VPS13A: variants seen among roughly 807,000 people sequenced by gnomAD.
The protein encoded by VPS13A is intermembrane lipid transfer protein VPS13A.
A neutral mutation model predicts 390.9 loss-of-function variants in VPS13A; 264 were observed. The observed-to-expected ratio is 0.68, with a 90% CI of 0.61 to 0.75. The LOEUF (loss-of-function observed/expected upper bound fraction) is 0.75. Among genes scored for constraint, VPS13A ranks in the 30% least tolerant of loss-of-function variants. The pLI is 0.00. For synonymous variants in VPS13A, 1,231 were observed against 1,227.1 expected (o/e 1.00, Z -0.07); for missense variants, 3,409 against 3,733.9 (o/e 0.91, Z 2.27).
At chr9:77,245,562 A>G (rs546223906) in intron 19 of VPS13A, among the ~76,000 whole-genome samples, 3 of 152,254 alleles carry the variant, frequency 2.0e-5, no homozygotes, top group East Asian at 1.9e-4. Context: ...TCAAACCTCT[A>G]TCTCACCTCA....
intron 17 of VPS13A, among the ~76,000 whole-genome samples, chr9:77,231,207 G>A (rs1179556939): frequency 6.6e-6 from 1 of 151,978 alleles, no homozygotes; most frequent in Non-Finnish European, 1.5e-5. Context: ...TTCCGATGTG[G>A]ATGCCCTTTC....
chr9:77,252,154 G>T, intron 21 of VPS13A, 81 bp from the exon 22 acceptor site: 2 of 1,119,672 alleles, frequency 1.8e-6, no homozygotes, highest in Non-Finnish European at 2.7e-6. Context: ...ATAATGGAAT[G>T]TGTGACTATG....
In VPS13A at chr9:77,315,484, T is replaced by C. The variant is rs1032767922; in HGVS notation, c.4630+14T>C. The C allele has an allele frequency of 2.5e-6, 4 of 1,609,718 alleles. No individual in the cohort carries two copies. The highest frequency in any genetic ancestry group is 1.7e-5 in the Admixed American group (1 of 59,958). ...CTAAGGAAGAAGGTTAGTTATTGGC[T>C]AAAATATTTAATATTTGTTTTATTG... On this transcript the variant is annotated intron_variant, in intron 38 of 71. Coordinates refer to ENST00000360280, the MANE Select transcript of VPS13A (RefSeq NM_033305.3).
At chr9:77,403,832 CATT>C (rs1159960187) in intron 69 of VPS13A, among the ~76,000 whole-genome samples, 2 of 152,044 alleles carry the variant, frequency 1.3e-5, no homozygotes, top group Non-Finnish European at 2.9e-5. Flanking sequence ...GTGCAGAAGT[CATT>C]GTTAAACTAG....
intron 2 of VPS13A, among the ~76,000 whole-genome samples, chr9:77,200,342 C>T (rs62573169): frequency 0.2 from 30,831 of 151,758 alleles, 3,330 homozygotes; most frequent in Middle Eastern, 0.26. Flanking sequence ...CAAAAAGCTT[C>T]GCCAGGCATG....
chr9:77,287,941 G>T (rs993164334), intron 31 of VPS13A, among the ~76,000 whole-genome samples: 1 of 152,138 alleles, frequency 6.6e-6, no homozygotes, highest in Non-Finnish European at 1.5e-5. Context: ...ATAATTCTGT[G>T]AGTTTTGACG....
intron 22 of VPS13A, among the ~76,000 whole-genome samples, chr9:77,258,947 C>T (rs139082800): frequency 6.6e-6 from 1 of 152,142 alleles, no homozygotes; most frequent in East Asian, 1.9e-4. Flanking sequence ...TTTGGACTTG[C>T]TCTGTCAGTA....
chr9:77,264,247 CT>C (rs1825911291), intron 23 of VPS13A, among the ~76,000 whole-genome samples: 1 of 152,074 alleles, frequency 6.6e-6, no homozygotes, highest in Admixed American at 6.6e-5. Flanking sequence ...CAGCTTTGTT[CT>C]TTTTGCTTAG....
intron 19 of VPS13A, among the ~76,000 whole-genome samples, chr9:77,240,644 A>C (rs1260457992): frequency 6.7e-6 from 1 of 148,416 alleles, no homozygotes; most frequent in Non-Finnish European, 1.5e-5. Context: ...CACCCAGCTA[A>C]TTTTTGTATT....
At chr9:77,372,406 T>A (rs530409545) in intron 67 of VPS13A, among the ~76,000 whole-genome samples, 1 of 152,342 alleles carries the variant, frequency 6.6e-6, no homozygotes, top group South Asian at 2.1e-4. Flanking sequence ...TGGCCAGTGA[T>A]GATTAGCATT....
intron 52 of VPS13A, among the ~76,000 whole-genome samples, chr9:77,346,605 G>A (rs909989830): frequency 5.9e-5 from 9 of 152,168 alleles, no homozygotes; most frequent in Non-Finnish European, 8.8e-5. Flanking sequence ...CAAAGCCAGT[G>A]TCTAGAAGAG....
intron 54 of VPS13A, among the ~76,000 whole-genome samples, chr9:77,355,378 G>A (rs1831717779): frequency 6.6e-6 from 1 of 152,088 alleles, no homozygotes. Context: ...TCACCATCTT[G>A]GTTTTTCTTC....
rs769393043 is a variant in VPS13A at position 77,210,626 on chromosome 9, G to A, written c.506G>A (p.Arg169Gln). Reference protein sequence around the residue: ...HIRYEDDITNRDKPLSFGISL... With the variant: ...HIRYEDDITNQDKPLSFGISL... ...TTCTTTCCTCTTTAGATCACAAATCGGGACAAACCGCTGTCATTTGGTATT... is the reference window on the plus strand; with the variant it reads ...TTCTTTCCTCTTTAGATCACAAATCAGGACAAACCGCTGTCATTTGGTATT... Residue 169 changes from arginine to glutamine, a missense_variant, in exon 7 of 72, where the codon CGG (arginine) becomes CAG (glutamine). Transcript: ENST00000360280. The A allele has an allele frequency of 3.0e-5, 48 of 1,613,510 alleles. No individual in the cohort carries two copies. The highest frequency in any genetic ancestry group is 1.7e-4 in the Middle Eastern group (1 of 5,914).
At chr9:77,354,406 A>G (rs1312357698) in intron 54 of VPS13A, among the ~76,000 whole-genome samples, 1 of 152,120 alleles carries the variant, frequency 6.6e-6, no homozygotes, top group Non-Finnish European at 1.5e-5. Flanking sequence ...AAATGTTTTT[A>G]CTATTTAAAT....
chr9:77,391,839 A>G (rs987870437), intron 68 of VPS13A, among the ~76,000 whole-genome samples: 1 of 152,220 alleles, frequency 6.6e-6, no homozygotes, highest in African/African-American at 2.4e-5. Flanking sequence ...TTGGTAGCAT[A>G]GTTTATATGA....
chr9:77,334,634 A>G (rs1830447034), intron 46 of VPS13A, among the ~76,000 whole-genome samples: 1 of 152,178 alleles, frequency 6.6e-6, no homozygotes, highest in Admixed American at 6.5e-5. Flanking sequence ...TTAACATTTT[A>G]ACATTTCCCA....
chr9:77,342,349 A>G (rs1285742779), intron 50 of VPS13A, among the ~76,000 whole-genome samples: 1 of 152,200 alleles, frequency 6.6e-6, no homozygotes, highest in Non-Finnish European at 1.5e-5. Context: ...TGATGCCACA[A>G]GTGAAAAATT....
chr9:77,387,887 T>G (rs1833754538), intron 68 of VPS13A, among the ~76,000 whole-genome samples: 1 of 149,660 alleles, frequency 6.7e-6, no homozygotes, highest in Non-Finnish European at 1.5e-5. Flanking sequence ...AAAATACTGT[T>G]GTTTCTGTGT....
At chr9:77,324,802 G>T (rs1451854599) in intron 45 of VPS13A, among the ~76,000 whole-genome samples, 5 of 151,982 alleles carry the variant, frequency 3.3e-5, no homozygotes, top group Admixed American at 1.3e-4. Flanking sequence ...TCAACCTCCC[G>T]AGCAGCAAGG....
Sources: allele counts gnomAD v4.1 joint callset (sites outside exome capture counted in the v4.1 genomes callset), GRCh38; gene constraint gnomAD v4.1.1; transcripts MANE v1.5; gene names NCBI Gene and HGNC (gene_info 2026-07-23, HGNC 2026-07-21).